DACH2: variants seen among roughly 807,000 people sequenced by gnomAD.
DACH2 encodes the protein dachshund family transcription factor 2.
In DACH2, 17 loss-of-function variants were observed where a neutral mutation model predicts 35.8. That is an observed-to-expected ratio of 0.48 (90% CI 0.33 to 0.71). The LOEUF (loss-of-function observed/expected upper bound fraction) is 0.71. Among genes scored for constraint, DACH2 ranks in the 30% least tolerant of loss-of-function variants. The pLI is 0.02. For missense variants in DACH2, 469 were observed against 472.7 expected, an observed-to-expected ratio of 0.99 and a Z score of 0.07; for synonymous variants, 195 against 177.3, an observed-to-expected ratio of 1.10 and a Z score of -0.79.
intron 3 of DACH2, among the ~76,000 whole-genome samples, chrX:86,573,932 T>TTC (rs1251251139): frequency 1.8e-5 from 2 of 111,648 alleles, no homozygotes; most frequent in Non-Finnish European, 3.8e-5. Context: ...GTCATGACTC[T>TTC]TCTCCTCCTC....
chrX:86,339,481 A>G (rs2035376325), intron 1 of DACH2, among the ~76,000 whole-genome samples: 1 of 111,927 alleles, frequency 8.9e-6, no homozygotes, highest in Non-Finnish European at 1.9e-5. Flanking sequence ...TGGCGGGCAC[A>G]AACTTGAGCA....
intron 1 of DACH2, among the ~76,000 whole-genome samples, chrX:86,368,078 C>T (rs1243618351): frequency 1.8e-5 from 2 of 111,341 alleles, no homozygotes; most frequent in African/African-American, 6.5e-5. Flanking sequence ...CTTCAAGACC[C>T]AAGTCAAATT....
At chrX:86,195,446 C>T (rs1282369685) in intron 1 of DACH2, among the ~76,000 whole-genome samples, 1 of 111,506 alleles carries the variant, frequency 9.0e-6, no homozygotes. Flanking sequence ...GTTCCAACAC[C>T]ACTACCAGCG....
At chrX:86,386,436 C>CT (rs1181731600) in intron 2 of DACH2, among the ~76,000 whole-genome samples, 23 of 109,641 alleles carry the variant, frequency 2.1e-4, no homozygotes, top group Non-Finnish European at 2.5e-4. Context: ...TACTCTCTTT[C>CT]TTTTTTTTTC....
chrX:86,662,638 A>G (rs2040619662), intron 4 of DACH2, among the ~76,000 whole-genome samples: 1 of 111,144 alleles, frequency 9.0e-6, no homozygotes. Context: ...AGTTCTTTCT[A>G]CTGAAATAAC....
intron 3 of DACH2, among the ~76,000 whole-genome samples, chrX:86,530,724 C>A (rs1337712900): frequency 2.7e-5 from 3 of 111,707 alleles, no homozygotes; most frequent in Non-Finnish European, 3.8e-5. Context: ...TATAAAGATA[C>A]CTGAAAATGT....
chrX:86,820,206 G>C (rs185339715), intron 11 of DACH2, among the ~76,000 whole-genome samples: 1 of 111,795 alleles, frequency 8.9e-6, no homozygotes, highest in Non-Finnish European at 1.9e-5. Context: ...ACCACAAAAT[G>C]AGTAACTGTG....
chrX:86,305,846 T>C (rs1339068975), intron 1 of DACH2, among the ~76,000 whole-genome samples: 1 of 111,622 alleles, frequency 9.0e-6, no homozygotes, highest in African/African-American at 3.3e-5. Context: ...TGACAAAATT[T>C]TCAACATCAC....
rs763491471 is a variant in DACH2, at chrX:86,423,682, T to C, written c.527+46820T>C. Among the ~76,000 whole-genome samples the C allele has an allele frequency of 3.6e-5, 4 of 110,698 alleles. No homozygotes were observed. In the South Asian group the frequency reaches 1.5e-3, roughly 42 times the overall value. Reference sequence around the variant, plus strand: ...AACTTGATGTGATTTCATGTGTCTATTTTTCCTCTGGTTGCTTGCACTTGT... The same window carrying C: ...AACTTGATGTGATTTCATGTGTCTACTTTTCCTCTGGTTGCTTGCACTTGT... On this transcript the variant is annotated intron_variant, in intron 2 of 11. Coordinates refer to ENST00000373125, the MANE Select transcript of DACH2 (RefSeq NM_053281.3).
chrX:86,601,929 T>C (rs2039794825), intron 3 of DACH2, among the ~76,000 whole-genome samples: 1 of 112,058 alleles, frequency 8.9e-6, no homozygotes, highest in South Asian at 3.7e-4. Context: ...TACCATTCTA[T>C]AGTTATTGAT....
intron 2 of DACH2, among the ~76,000 whole-genome samples, chrX:86,410,837 G>C (rs939419512): frequency 4.7e-5 from 5 of 106,515 alleles, no homozygotes; most frequent in Non-Finnish European, 9.6e-5. Context: ...TCAATTTCAT[G>C]TTCACTGTCC....
intron 6 of DACH2, among the ~76,000 whole-genome samples, chrX:86,732,144 T>C (rs761469046): frequency 9.0e-6 from 1 of 111,654 alleles, no homozygotes; most frequent in East Asian, 2.8e-4. Context: ...ATAGGGTGAA[T>C]GGAAGGTCTA....
chrX:86,536,244 G>A lies in DACH2; in HGVS notation c.640+21853G>A, dbSNP rs1463595715. 2.7e-5 allele frequency among the ~76,000 whole-genome samples: 3 copies of A among 111,843 alleles called. No individual in the cohort carries two copies. In the East Asian group the frequency reaches 8.5e-4, roughly 32 times the overall value. ...TTCATCCAGGACCAAAGTAAGTCCT[G>A]ATGGAGGAAATGAGTGAGTTTCACA... On this transcript the variant is annotated intron_variant, in intron 3 of 11. Transcript: ENST00000373125.
At chrX:86,492,192 T>G (rs183067370) in intron 2 of DACH2, among the ~76,000 whole-genome samples, 111 of 109,649 alleles carry the variant, frequency 1.0e-3, no homozygotes, top group African/African-American at 3.2e-3. Flanking sequence ...ATACTTTTAG[T>G]TTTTTTTTAA....
intron 2 of DACH2, among the ~76,000 whole-genome samples, chrX:86,507,312 A>G (rs892919343): frequency 9.0e-6 from 1 of 111,322 alleles, no homozygotes; most frequent in African/African-American, 3.3e-5. Flanking sequence ...TTACAGGCTG[A>G]TGATTATTGA....
chrX:86,542,029 G>T (rs2038890839), intron 3 of DACH2, among the ~76,000 whole-genome samples: 1 of 111,536 alleles, frequency 9.0e-6, no homozygotes, highest in Admixed American at 9.5e-5. Context: ...CTTCCCCATT[G>T]TTTCATTTTA....
In DACH2 at chrX:86,688,352, A is replaced by G. The variant is rs182159958; in HGVS notation, c.773-6669A>G. Among the ~76,000 whole-genome samples, 161 of 111,688 alleles carry G rather than the reference A, an allele frequency of 1.4e-3. 1 individual carries two copies. The highest frequency in any genetic ancestry group is 5.0e-3 in the African/African-American group (153 of 30,736). Reference sequence around the variant, plus strand: ...GGAGGAGATGAGGCTAGTAGTAGGAAAGTCAGTTAAGAGTCTCTTGAGATG... The same window carrying G: ...GGAGGAGATGAGGCTAGTAGTAGGAGAGTCAGTTAAGAGTCTCTTGAGATG... On this transcript the variant is annotated intron_variant, in intron 4 of 11. Coordinates refer to ENST00000373125, the MANE Select transcript of DACH2 (RefSeq NM_053281.3).
chrX:86,685,867 TC>T (rs1172093288), intron 4 of DACH2, among the ~76,000 whole-genome samples: 1 of 111,373 alleles, frequency 9.0e-6, no homozygotes, highest in African/African-American at 3.3e-5. Flanking sequence ...CCTAACACCT[TC>T]CACCAGGCCC....
chrX:86,763,218 C>T (rs2041900231), intron 7 of DACH2, among the ~76,000 whole-genome samples: 1 of 111,296 alleles, frequency 9.0e-6, no homozygotes, highest in Non-Finnish European at 1.9e-5. Flanking sequence ...ACCCAAATGC[C>T]CATGAGCAGT....
Sources: allele counts gnomAD v4.1 joint callset (sites outside exome capture counted in the v4.1 genomes callset), GRCh38; gene constraint gnomAD v4.1.1; transcripts MANE v1.5; gene names NCBI Gene and HGNC (gene_info 2026-07-23, HGNC 2026-07-21).